The following SYT16 variants were observed in gnomAD, a reference collection of about 807,000 sequenced individuals.
The protein encoded by SYT16 is synaptotagmin 16, also known as synaptotagmin-16.
A neutral mutation model predicts 61.4 loss-of-function variants in SYT16; 42 were observed. The ratio of observed to expected loss-of-function variants is 0.68; its 90% CI spans 0.53 to 0.89. The LOEUF (loss-of-function observed/expected upper bound fraction) is 0.89. Among genes scored for constraint, SYT16 ranks in the 40% least tolerant of loss-of-function variants. The pLI is 0.00. For synonymous variants in SYT16, 314 were observed against 302.3 expected, an observed-to-expected ratio of 1.04 and a Z score of -0.40; for missense variants, 804 against 807.3, an observed-to-expected ratio of 1.00 and a Z score of 0.05.
In SYT16 at chr14:62,075,483, AT is replaced by A. The variant is rs375569054; in HGVS notation, c.993+94del. The A allele has an allele frequency of 6.7e-3, 8,417 of 1,255,080 alleles. 5 individuals carry two copies. Among genetic ancestry groups the A allele is most frequent in the East Asian group, 0.028 (1,074 of 37,700 alleles). 77.7% of individuals were successfully genotyped at this position (1,255,080 alleles called of 1,614,324 possible). On this transcript the variant is annotated intron_variant, in intron 5 of 7. Coordinates refer to ENST00000683842, the MANE Select transcript of SYT16 (RefSeq NM_001367656.1). ...CTCATCTCTCTAAAAAAAAAAAAAA[AT>A]TCCAGAAAGGAAGCATTACTTTTAT... is the stretch of plus-strand genomic sequence containing the variant.
intron 1 of SYT16, among the ~76,000 whole-genome samples, chr14:61,932,808 T>A (rs994346788): frequency 6.6e-6 from 1 of 152,148 alleles, no homozygotes; most frequent in Non-Finnish European, 1.5e-5. Context: ...GCCTCATGTA[T>A]GTAGGTGCTG....
intron 1 of SYT16, among the ~76,000 whole-genome samples, chr14:61,847,905 T>C (rs2046491171): frequency 6.6e-6 from 1 of 152,226 alleles, no homozygotes; most frequent in Non-Finnish European, 1.5e-5. Context: ...TGCTTGTTTC[T>C]TTTTAATTAT....
intron 1 of SYT16, among the ~76,000 whole-genome samples, chr14:61,961,528 C>T (rs2051115925): frequency 6.6e-6 from 1 of 152,150 alleles, no homozygotes. Context: ...CTCAATGTCA[C>T]TAATCATTAT....
chr14:61,924,176 G>T (rs2049446579), intron 1 of SYT16, among the ~76,000 whole-genome samples: 1 of 152,076 alleles, frequency 6.6e-6, no homozygotes, highest in African/African-American at 2.4e-5. Flanking sequence ...ACTGTGCTAG[G>T]GGGCATGGAG....
At chr14:62,022,162 A>G (rs79231486) in intron 3 of SYT16, among the ~76,000 whole-genome samples, 4,632 of 152,028 alleles carry the variant, frequency 0.03, 111 homozygotes, top group South Asian at 0.066. Flanking sequence ...CTACATTTCC[A>G]TAATTCCATA....
intron 1 of SYT16, among the ~76,000 whole-genome samples, chr14:61,817,756 T>C (rs1468228596): frequency 1.3e-5 from 2 of 152,214 alleles, no homozygotes; most frequent in African/African-American, 4.8e-5. Flanking sequence ...GATAATAGCA[T>C]TGTATCAGTG....
intron 1 of SYT16, among the ~76,000 whole-genome samples, chr14:61,834,226 G>T (rs1050040123): frequency 6.6e-6 from 1 of 151,888 alleles, no homozygotes; most frequent in East Asian, 1.9e-4. Context: ...CACCTCCCAG[G>T]TTCAAGCAAT....
chr14:61,940,322 T>C (rs1368976810), intron 1 of SYT16, among the ~76,000 whole-genome samples: 1 of 152,110 alleles, frequency 6.6e-6, no homozygotes. Flanking sequence ...TTCTTGTTCC[T>C]CTCTCTTGAT....
intron 1 of SYT16, among the ~76,000 whole-genome samples, chr14:61,969,718 G>A (rs1313931726): frequency 6.6e-6 from 1 of 152,198 alleles, no homozygotes; most frequent in African/African-American, 2.4e-5. Flanking sequence ...TGATGATTGT[G>A]TAAGCTTTAG....
intron 1 of SYT16, among the ~76,000 whole-genome samples, chr14:61,888,062 C>T (rs144993786): frequency 5.3e-4 from 81 of 151,978 alleles, no homozygotes; most frequent in Non-Finnish European, 9.3e-4. Context: ...TGTGACAATT[C>T]CTTCCACTTG....
intron 2 of SYT16, among the ~76,000 whole-genome samples, chr14:61,986,756 A>T (rs2052334566): frequency 6.6e-6 from 1 of 152,230 alleles, no homozygotes; most frequent in Non-Finnish European, 1.5e-5. Flanking sequence ...ATCATTTAAA[A>T]TGATAAACAT....
chr14:61,856,092 A>C (rs1429215877), intron 1 of SYT16, among the ~76,000 whole-genome samples: 1 of 152,210 alleles, frequency 6.6e-6, no homozygotes, highest in African/African-American at 2.4e-5. Context: ...GGAGTGCAGG[A>C]GGAGGGAGGT....
At chr14:62,044,436 T>C (rs1278733981) in intron 3 of SYT16, among the ~76,000 whole-genome samples, 6 of 152,142 alleles carry the variant, frequency 3.9e-5, no homozygotes, top group African/African-American at 1.4e-4. Context: ...TTTGTCCTAA[T>C]GTTCTCCCTC....
At chr14:61,830,538 T>A (rs1435009804) in intron 1 of SYT16, among the ~76,000 whole-genome samples, 1 of 152,254 alleles carries the variant, frequency 6.6e-6, no homozygotes, top group East Asian at 1.9e-4. Flanking sequence ...CTTTACTATG[T>A]TGACTCCGGT....
At chr14:61,951,689 C>T (rs979989818) in intron 1 of SYT16, among the ~76,000 whole-genome samples, 3 of 152,086 alleles carry the variant, frequency 2.0e-5, no homozygotes, top group African/African-American at 4.8e-5. Context: ...GACTCAACAA[C>T]CAATCCCCCA....
intron 3 of SYT16, among the ~76,000 whole-genome samples, chr14:62,001,312 C>G (rs1252721114): frequency 6.6e-6 from 1 of 151,948 alleles, no homozygotes; most frequent in Non-Finnish European, 1.5e-5. Flanking sequence ...AGAATTATGT[C>G]AGCTTTTGCT....
chr14:61,925,037 T>C (rs1471701250), intron 1 of SYT16, among the ~76,000 whole-genome samples: 1 of 152,178 alleles, frequency 6.6e-6, no homozygotes, highest in Non-Finnish European at 1.5e-5. Flanking sequence ...AGTTATATGG[T>C]TTCATCCAGT....
intron 3 of SYT16, among the ~76,000 whole-genome samples, chr14:62,005,754 C>T (rs1245642253): frequency 6.6e-6 from 1 of 152,070 alleles, no homozygotes; most frequent in Non-Finnish European, 1.5e-5. Flanking sequence ...GAACACCTAC[C>T]ACGTACAAAA....
chr14:62,046,868 A>G (rs2055013998), intron 3 of SYT16, among the ~76,000 whole-genome samples: 1 of 152,204 alleles, frequency 6.6e-6, no homozygotes, highest in African/African-American at 2.4e-5. Flanking sequence ...CTTGTAGTAT[A>G]GTTTGAAGTC....
Sources: gnomAD v4.1 joint callset for allele counts (sites outside exome capture counted in the v4.1 genomes callset) on GRCh38, gnomAD v4.1.1 for gene constraint, MANE v1.5 for transcripts, NCBI Gene and HGNC (gene_info 2026-07-23, HGNC 2026-07-21) for gene names.